Variants in PEAK1 observed in about 807,000 individuals in gnomAD.
PEAK1 encodes the protein inactive tyrosine-protein kinase PEAK1.
A neutral mutation model predicts 124.7 loss-of-function variants in PEAK1; 54 were observed. The observed-to-expected ratio is 0.43, with a 90% CI of 0.35 to 0.54. The LOEUF (loss-of-function observed/expected upper bound fraction) is 0.54. PEAK1 is among the 20% of genes least tolerant of loss of function. The pLI is 0.01. For synonymous variants in PEAK1, 719 were observed against 760.0 expected (o/e 0.95, Z 0.89); for missense variants, 2,046 against 2,134.5 (o/e 0.96, Z 0.82).
chr15:77,378,433 TCTAA>T, intron 1 of PEAK1, among the ~76,000 whole-genome samples: 1 of 152,144 alleles, frequency 6.6e-6, no homozygotes, highest in East Asian at 1.9e-4. Context: ...AATTCAATAG[TCTAA>T]CTGCCAGGAA....
At chr15:77,165,964 G>A (rs1003906186) in intron 7 of PEAK1, among the ~76,000 whole-genome samples, 15 of 152,060 alleles carry the variant, frequency 9.9e-5, no homozygotes, top group African/African-American at 3.4e-4. Context: ...AGGCAAGCTT[G>A]GCATACTGCA....
chr15:77,256,548 A>G (rs1464963972), intron 5 of PEAK1, among the ~76,000 whole-genome samples: 2 of 152,052 alleles, frequency 1.3e-5, no homozygotes, highest in African/African-American at 4.8e-5. Context: ...ACCTGCTTAT[A>G]TATGGTTTGC....
At chr15:77,222,045 CTTTT>C (rs1050875123) in intron 6 of PEAK1, among the ~76,000 whole-genome samples, 1 of 151,168 alleles carries the variant, frequency 6.6e-6, no homozygotes, top group Non-Finnish European at 1.5e-5. Context: ...GGAATTAATT[CTTTT>C]TTTTTCTTTT....
chr15:77,103,988 C>A (rs776210853), downstream of PEAK1: 3 of 152,530 alleles, frequency 2.0e-5, no homozygotes, highest in African/African-American at 4.8e-5. Flanking sequence ...TCAGGAAGCA[C>A]TCCTTGGCTA....
At chr15:77,299,828 T>G (rs1350531033) in intron 2 of PEAK1, among the ~76,000 whole-genome samples, 3 of 152,208 alleles carry the variant, frequency 2.0e-5, no homozygotes, top group Non-Finnish European at 4.4e-5. Flanking sequence ...ATGGTGATCT[T>G]TCCATTATTC....
At chr15:77,270,917 A>G (rs979851350) in intron 5 of PEAK1, among the ~76,000 whole-genome samples, 1 of 152,214 alleles carries the variant, frequency 6.6e-6, no homozygotes, top group African/African-American at 2.4e-5. Context: ...AACAAAAGCC[A>G]AAATTCACAA....
At chr15:77,303,862 G>A (rs2063920695) in intron 2 of PEAK1, among the ~76,000 whole-genome samples, 1 of 152,182 alleles carries the variant, frequency 6.6e-6, no homozygotes, top group Admixed American at 6.5e-5. Flanking sequence ...TGTATATTTA[G>A]GTCTATGCTC....
intron 8 of PEAK1, among the ~76,000 whole-genome samples, chr15:77,149,664 C>T (rs1295786887): frequency 6.6e-6 from 1 of 152,140 alleles, no homozygotes; most frequent in Non-Finnish European, 1.5e-5. Context: ...AAAGAAGCAA[C>T]CTTGTATCAT....
chr15:77,219,938 TTAAA>T (rs536807092), intron 6 of PEAK1, among the ~76,000 whole-genome samples: 1 of 152,162 alleles, frequency 6.6e-6, no homozygotes, highest in African/African-American at 2.4e-5. Flanking sequence ...TGAATAGTTG[TTAAA>T]TAATTTTATT....
At chr15:77,190,458 C>T (rs2057778012) in intron 6 of PEAK1, among the ~76,000 whole-genome samples, 1 of 152,152 alleles carries the variant, frequency 6.6e-6, no homozygotes, top group Non-Finnish European at 1.5e-5. Flanking sequence ...TTTCAAGGGT[C>T]TATGAGTTCT....
At chr15:77,241,785 G>C (rs1246895521) in intron 6 of PEAK1, among the ~76,000 whole-genome samples, 1 of 151,846 alleles carries the variant, frequency 6.6e-6, no homozygotes, top group African/African-American at 2.4e-5. Flanking sequence ...CCAAGTATAG[G>C]AGGGGTATGC....
At chr15:77,334,560 T>C in intron 2 of PEAK1, 1 of 985,390 alleles carries the variant, frequency 1.0e-6, no homozygotes, top group Non-Finnish European at 1.2e-6. Flanking sequence ...TCTCTATACC[T>C]CCATCAACTC....
At chr15:77,275,764 A>T (rs1044997297) in intron 5 of PEAK1, among the ~76,000 whole-genome samples, 1 of 151,876 alleles carries the variant, frequency 6.6e-6, no homozygotes, top group East Asian at 1.9e-4. Flanking sequence ...AAAAGAAGTA[A>T]ATGTATTTTT....
Position 77,180,638 on chromosome 15 carries a change from A to G in PEAK1, c.1289T>C (p.Val430Ala). 6.2e-7 allele frequency: 1 copy of G among 1,614,202 alleles called. No homozygotes were observed. The highest frequency in any genetic ancestry group is 1.7e-5 in the Admixed American group (1 of 60,026). ...TTTACTTTCTTCCTTCTCAGTTTGT[A>G]CAGCAATCTTGCCATCTTTCTCTTC... ...RLEEKDGKIA[V>A]QTEKEESKAS... The change falls in exon 7 of 10, where the codon GTA (valine) becomes GCA (alanine). Residue 430 changes from valine (V) to alanine (A), a missense_variant. Physicochemically the swap from Val to Ala is moderately conservative, Grantham distance 64. Coordinates refer to ENST00000682557, the MANE Select transcript of PEAK1 (RefSeq NM_001385026.1).
chr15:77,159,991 TG>T (rs2055487598), intron 7 of PEAK1, among the ~76,000 whole-genome samples: 1 of 152,180 alleles, frequency 6.6e-6, no homozygotes. Context: ...TTAGGGGATC[TG>T]GCTCTTGAGG....
At chr15:77,251,134 A>G (rs904048440) in intron 6 of PEAK1, among the ~76,000 whole-genome samples, 2 of 152,222 alleles carry the variant, frequency 1.3e-5, no homozygotes, top group African/African-American at 4.8e-5. Flanking sequence ...TCAAATTAGT[A>G]GAAATCCAAT....
At chr15:77,189,377 G>T (rs2057715753) in intron 6 of PEAK1, among the ~76,000 whole-genome samples, 1 of 152,192 alleles carries the variant, frequency 6.6e-6, no homozygotes, top group South Asian at 2.1e-4. Flanking sequence ...AAATGGTATA[G>T]CTTCATGGCA....
chr15:77,228,112 T>A (rs1050757675), intron 6 of PEAK1, among the ~76,000 whole-genome samples: 9 of 151,936 alleles, frequency 5.9e-5, no homozygotes, highest in Non-Finnish European at 1.0e-4. Flanking sequence ...TATTTCTATT[T>A]TTTATTTATT....
chr15:77,219,837 T>C (rs777981902), intron 6 of PEAK1, among the ~76,000 whole-genome samples: 3 of 152,176 alleles, frequency 2.0e-5, no homozygotes, highest in East Asian at 1.9e-4. Context: ...TTTTAACTAA[T>C]TGAGACTCTA....
Sources: gnomAD v4.1 joint callset for allele counts (sites outside exome capture counted in the v4.1 genomes callset) on GRCh38, gnomAD v4.1.1 for gene constraint, MANE v1.5 for transcripts, NCBI Gene and HGNC (gene_info 2026-07-23, HGNC 2026-07-21) for gene names.